Variants in ARHGAP6 observed in about 807,000 individuals in gnomAD.
ARHGAP6 encodes rho GTPase-activating protein 6.
A neutral mutation model predicts 55.7 loss-of-function variants in ARHGAP6; 16 were observed. The observed-to-expected ratio is 0.29, with a 90% CI of 0.19 to 0.44. The LOEUF is 0.44. Among genes scored for constraint, ARHGAP6 ranks in the 20% least tolerant of loss-of-function variants. The pLI, the probability that ARHGAP6 is intolerant of heterozygous loss-of-function variation, is 1.00. For synonymous variants in ARHGAP6, 382 were observed against 360.9 expected (o/e 1.06, Z -0.66); for missense variants, 698 against 808.9 (o/e 0.86, Z 1.66).
At chrX:11,335,434 A>G (rs1357611436) in intron 1 of ARHGAP6, among the ~76,000 whole-genome samples, 1 of 110,163 alleles carries the variant, frequency 9.1e-6, no homozygotes, top group Non-Finnish European at 1.9e-5. Flanking sequence ...ATGTGTTCTC[A>G]TTGTTAAACT....
intron 3 of ARHGAP6, among the ~76,000 whole-genome samples, chrX:11,190,582 G>T (rs745547404): frequency 4.7e-5 from 5 of 106,203 alleles, no homozygotes; most frequent in African/African-American, 1.7e-4. Flanking sequence ...ACTTTTAAAA[G>T]GTTGGAAGAG....
chrX:11,169,477 G>A, intron 9 of ARHGAP6, 28 bp downstream of exon 9: 1 of 1,162,493 alleles, frequency 8.6e-7, no homozygotes, highest in Non-Finnish European at 1.2e-6. Flanking sequence ...AGTTTGCTGT[G>A]ATGTCCTGCC....
At chrX:11,663,780 C>T (rs1029582917) in intron 1 of ARHGAP6, among the ~76,000 whole-genome samples, 1 of 112,367 alleles carries the variant, frequency 8.9e-6, no homozygotes, top group Admixed American at 9.4e-5. Context: ...CACACACACA[C>T]ACTCACTCAT....
intron 10 of ARHGAP6, among the ~76,000 whole-genome samples, chrX:11,147,281 CAT>C (rs749672640): frequency 3.0e-4 from 33 of 108,348 alleles, no homozygotes; most frequent in African/African-American, 7.7e-4. Context: ...ACAAATATGA[CAT>C]AGACATGTAC....
intron 1 of ARHGAP6, among the ~76,000 whole-genome samples, chrX:11,641,385 A>T (rs775818371): frequency 1.4e-3 from 154 of 111,872 alleles, no homozygotes; most frequent in African/African-American, 4.8e-3. Context: ...AAAGACACTT[A>T]TCTTGTCCTT....
chrX:11,156,906 AT>A (rs1166139709), intron 9 of ARHGAP6, among the ~76,000 whole-genome samples: 8 of 112,379 alleles, frequency 7.1e-5, no homozygotes, highest in Non-Finnish European at 3.8e-5. Context: ...CTCAGGTTAG[AT>A]TTTCTTGGTT....
chrX:11,375,920 T>C (rs1219273702), intron 1 of ARHGAP6, among the ~76,000 whole-genome samples: 1 of 110,867 alleles, frequency 9.0e-6, no homozygotes, highest in Non-Finnish European at 1.9e-5. Context: ...TAAAGGAAGT[T>C]CAAAATATCC....
At chrX:11,612,593 G>A (rs928508779) in intron 1 of ARHGAP6, among the ~76,000 whole-genome samples, 15 of 112,048 alleles carry the variant, frequency 1.3e-4, no homozygotes, top group South Asian at 3.7e-4. Flanking sequence ...GAAGTAGACC[G>A]TCACCAGATC....
At chrX:11,375,568 G>A (rs953820330) in intron 1 of ARHGAP6, among the ~76,000 whole-genome samples, 5 of 111,815 alleles carry the variant, frequency 4.5e-5, no homozygotes, top group African/African-American at 1.6e-4. Context: ...TTCCTTAAGA[G>A]ATTTTAGCAG....
intron 1 of ARHGAP6, among the ~76,000 whole-genome samples, chrX:11,515,907 A>G (rs144981523): frequency 7.3e-4 from 82 of 112,888 alleles, no homozygotes; most frequent in African/African-American, 2.5e-3. Flanking sequence ...AGCCCCCATG[A>G]ACCTCTGCAT....
At chrX:11,294,750 A>G (rs2048052758) in intron 1 of ARHGAP6, 1 of 1,198,122 alleles carries the variant, frequency 8.3e-7, no homozygotes, top group East Asian at 3.0e-5. Flanking sequence ...AAGAGATAAG[A>G]AAAGTGGATG....
At chrX:11,590,440 A>C (rs1229171220) in intron 1 of ARHGAP6, among the ~76,000 whole-genome samples, 1 of 92,410 alleles carries the variant, frequency 1.1e-5, no homozygotes, top group Non-Finnish European at 2.1e-5. Context: ...TACTTTTAAA[A>C]ATTGTTGAAT....
intron 1 of ARHGAP6, chrX:11,296,635 C>T: frequency 1.5e-6 from 1 of 654,180 alleles, no homozygotes; most frequent in Non-Finnish European, 2.4e-6. Context: ...GTATATTCTG[C>T]ACTATATAGA....
chrX:11,443,403 C>T (rs1370844705), intron 1 of ARHGAP6, among the ~76,000 whole-genome samples: 5 of 111,741 alleles, frequency 4.5e-5, no homozygotes, highest in South Asian at 3.8e-4. Flanking sequence ...TTCTGTTGGG[C>T]GTATACCTGA....
chrX:11,445,524 CA>C (rs1417404722), intron 1 of ARHGAP6, among the ~76,000 whole-genome samples: 1 of 112,015 alleles, frequency 8.9e-6, no homozygotes, highest in African/African-American at 3.2e-5. Context: ...AGACTCAATG[CA>C]AAGTTGAGAT....
Position 11,347,790 on chromosome X carries a change from T to C in ARHGAP6, c.589-93083A>G, listed in dbSNP as rs145087204. On this transcript the variant is annotated intron_variant, in intron 1 of 12. Coordinates refer to ENST00000337414, the MANE Select transcript of ARHGAP6 (RefSeq NM_013427.3). ...CACTCCACGCCATTCAACATGCATT[T>C]GGGACACTATACTGGCTACTACCAT... 5.6e-4 allele frequency among the ~76,000 whole-genome samples: 62 copies of C among 111,663 alleles called. No individual in the cohort carries two copies. The East Asian group carries it at 0.018, about 32-fold the overall frequency.
intron 1 of ARHGAP6, among the ~76,000 whole-genome samples, chrX:11,517,925 G>A (rs941167350): frequency 1.0e-4 from 11 of 109,013 alleles, no homozygotes; most frequent in Non-Finnish European, 1.5e-4. Flanking sequence ...CATGGCACAC[G>A]TTTACCTATG....
chrX:11,292,476 G>A (rs1286292393), intron 1 of ARHGAP6, among the ~76,000 whole-genome samples: 1 of 111,402 alleles, frequency 9.0e-6, no homozygotes, highest in East Asian at 2.8e-4. Context: ...TGAGAACATG[G>A]AAACAAAGTA....
At chrX:11,365,036 C>T (rs1302653196) in intron 1 of ARHGAP6, among the ~76,000 whole-genome samples, 1 of 111,588 alleles carries the variant, frequency 9.0e-6, no homozygotes, top group Non-Finnish European at 1.9e-5. Context: ...ATTGTCACAG[C>T]ATGTGGCCCA....
Sources: gnomAD v4.1 joint callset for allele counts (sites outside exome capture counted in the v4.1 genomes callset) on GRCh38, gnomAD v4.1.1 for gene constraint, MANE v1.5 for transcripts, NCBI Gene and HGNC (gene_info 2026-07-23, HGNC 2026-07-21) for gene names.